Variants in GRIP1 observed in about 807,000 individuals in gnomAD.
GRIP1 encodes the protein glutamate receptor-interacting protein 1.
Under a neutral mutation model 129.9 loss-of-function variants are expected in GRIP1, and 45 were observed. That is an observed-to-expected ratio of 0.35 (90% CI 0.27 to 0.44). The LOEUF (loss-of-function observed/expected upper bound fraction) is 0.44, where lower values mean the gene tolerates loss of function less well. Ranked by LOEUF, GRIP1 falls within the 20% of genes least tolerant of loss-of-function variation. The pLI is 1.00. For synonymous variants in GRIP1, 530 were observed against 520.8 expected (o/e 1.02, Z -0.24); for missense variants, 1,196 against 1,396.8 (o/e 0.86, Z 2.29).
chr12:67,025,038 G>A (rs1409270961), intron 1 of GRIP1, among the ~76,000 whole-genome samples: 1 of 152,102 alleles, frequency 6.6e-6, no homozygotes, highest in Non-Finnish European at 1.5e-5. Flanking sequence ...AACCCTCTAT[G>A]TAGGAATAAG....
At chr12:66,449,700 A>G (rs2058724556) in intron 11 of GRIP1, among the ~76,000 whole-genome samples, 1 of 152,158 alleles carries the variant, frequency 6.6e-6, no homozygotes, top group African/African-American at 2.4e-5. Context: ...GTGGCACCAA[A>G]CCACTGGGAG....
intron 1 of GRIP1, among the ~76,000 whole-genome samples, chr12:66,857,680 A>G (rs2040031577): frequency 6.6e-6 from 1 of 152,052 alleles, no homozygotes; most frequent in Non-Finnish European, 1.5e-5. Context: ...ATATAAATGA[A>G]TAAAATGTGG....
chr12:66,584,616 A>G (rs2063542343), intron 2 of GRIP1, among the ~76,000 whole-genome samples: 1 of 152,060 alleles, frequency 6.6e-6, no homozygotes, highest in Admixed American at 6.6e-5. Flanking sequence ...GTTAGAGGAG[A>G]GAACCCAGTG....
intron 7 of GRIP1, among the ~76,000 whole-genome samples, chr12:66,515,269 TA>T (rs898428264): frequency 2.0e-4 from 30 of 148,092 alleles, no homozygotes; most frequent in Admixed American, 6.1e-4. Context: ...TATGTAATAA[TA>T]AAAAAAAAAA....
At chr12:66,591,772 C>T (rs376695236) in intron 2 of GRIP1, among the ~76,000 whole-genome samples, 69 of 152,086 alleles carry the variant, frequency 4.5e-4, no homozygotes, top group Admixed American at 1.2e-3. Flanking sequence ...TGGGACCACA[C>T]GTGCATGCCA....
chr12:66,634,851 T>C (rs554077478), intron 1 of GRIP1, among the ~76,000 whole-genome samples: 89 of 152,360 alleles, frequency 5.8e-4, no homozygotes, highest in Non-Finnish European at 1.0e-3. Context: ...GCTTCCAATG[T>C]TGGACTCTTC....
At chr12:66,802,728 G>A in intron 1 of GRIP1, among the ~76,000 whole-genome samples, 1 of 152,082 alleles carries the variant, frequency 6.6e-6, no homozygotes, top group East Asian at 1.9e-4. Flanking sequence ...AAGTTCATAA[G>A]CTCCTTTTAT....
intron 5 of GRIP1, among the ~76,000 whole-genome samples, chr12:66,519,590 G>C (rs1044456109): frequency 3.9e-5 from 6 of 152,120 alleles, no homozygotes; most frequent in African/African-American, 1.4e-4. Flanking sequence ...CTTGATATGT[G>C]GCATTTTACT....
intron 4 of GRIP1, among the ~76,000 whole-genome samples, chr12:66,533,068 A>C (rs1032580777): frequency 2.6e-5 from 4 of 152,180 alleles, no homozygotes; most frequent in African/African-American, 9.6e-5. Flanking sequence ...ATCCTTTCTA[A>C]CTATTCATGC....
intron 1 of GRIP1, chr12:66,626,606 G>A (rs1043977013): frequency 1.3e-5 from 2 of 152,202 alleles, no homozygotes; most frequent in African/African-American, 4.8e-5. Context: ...TGATAAATGT[G>A]CTCTGTCCTT....
intron 1 of GRIP1, among the ~76,000 whole-genome samples, chr12:66,671,618 A>C (rs1466900224): frequency 1.3e-5 from 2 of 152,182 alleles, no homozygotes; most frequent in African/African-American, 4.8e-5. Context: ...TTGGACATCA[A>C]TACCCTGTGA....
At chr12:66,771,364 A>G (rs1454669970) in intron 1 of GRIP1, among the ~76,000 whole-genome samples, 3 of 152,230 alleles carry the variant, frequency 2.0e-5, no homozygotes, top group Non-Finnish European at 2.9e-5. Flanking sequence ...ATTTAAATGT[A>G]TATCTTGAGC....
rs746620743 is a variant in GRIP1 at position 66,798,845 on chromosome 12, T to A, written c.-420+5208A>T. ...GACTTGCAGTATTAAATCAGGAGTTTGTTTTTGTTCAGGAGTTTAAGATAA... is the reference window on the plus strand; with the variant it reads ...GACTTGCAGTATTAAATCAGGAGTTAGTTTTTGTTCAGGAGTTTAAGATAA... On this transcript the variant is annotated intron_variant, in intron 1 of 4. Coordinates refer to the GRIP1 transcript ENST00000538373. 3.3e-4 allele frequency among the ~76,000 whole-genome samples: 50 copies of A among 152,118 alleles called. 1 individual carries two copies. Among genetic ancestry groups the A allele is most frequent in the Non-Finnish European group, 6.6e-4 (45 of 68,006 alleles).
At chr12:67,024,821 G>A (rs891165761) in intron 1 of GRIP1, among the ~76,000 whole-genome samples, 10 of 151,990 alleles carry the variant, frequency 6.6e-5, no homozygotes, top group African/African-American at 2.2e-4. Flanking sequence ...AGATCTTTAC[G>A]ATAATATGTT....
At chr12:66,653,178 T>C (rs997107658) in intron 1 of GRIP1, among the ~76,000 whole-genome samples, 1 of 152,198 alleles carries the variant, frequency 6.6e-6, no homozygotes, top group Non-Finnish European at 1.5e-5. Context: ...CTACATACAA[T>C]TTTCACTGAA....
At chr12:66,415,868 A>C (rs1364095193) in intron 15 of GRIP1, among the ~76,000 whole-genome samples, 1 of 152,190 alleles carries the variant, frequency 6.6e-6, no homozygotes, top group South Asian at 2.1e-4. Flanking sequence ...GAGCTGAACG[A>C]TGAGGACACA....
chr12:66,449,203 G>A (rs2058709258), intron 11 of GRIP1, among the ~76,000 whole-genome samples: 1 of 152,148 alleles, frequency 6.6e-6, no homozygotes, highest in South Asian at 2.1e-4. Context: ...GTTTTTGAAA[G>A]GTTGGAACCA....
At chr12:66,715,471 T>TGTGA (rs761155485) in intron 1 of GRIP1, among the ~76,000 whole-genome samples, 131 of 110,144 alleles carry the variant, frequency 1.2e-3, no homozygotes, top group Non-Finnish European at 2.0e-3. Context: ...TGTGTGTGTG[T>TGTGA]GAGAGAGAGA....
intron 2 of GRIP1, among the ~76,000 whole-genome samples, chr12:66,551,053 T>G (rs2062109774): frequency 6.6e-6 from 1 of 152,244 alleles, no homozygotes. Context: ...CAAGTAAAAC[T>G]GAAGCAATTG....
Sources: allele counts gnomAD v4.1 joint callset (sites outside exome capture counted in the v4.1 genomes callset), GRCh38; gene constraint gnomAD v4.1.1; transcripts MANE v1.5; gene names NCBI Gene and HGNC (gene_info 2026-07-23, HGNC 2026-07-21).